The following ZBTB7C variants were observed in gnomAD, a reference collection of about 807,000 sequenced individuals.
The protein encoded by ZBTB7C is zinc finger and BTB domain containing 7C, also known as zinc finger and BTB domain-containing protein 7C.
Under a neutral mutation model 25.7 loss-of-function variants are expected in ZBTB7C, and 8 were observed. That is an observed-to-expected ratio of 0.31 (90% confidence interval 0.18 to 0.56). The LOEUF (loss-of-function observed/expected upper bound fraction) is 0.56, where lower values mean the gene tolerates loss of function less well. Ranked by LOEUF, ZBTB7C falls within the 20% of genes least tolerant of loss-of-function variation. The pLI is 0.91. For synonymous variants in ZBTB7C, 394 were observed against 369.0 expected (o/e 1.07, Z -0.78); for missense variants, 824 against 855.2 (o/e 0.96, Z 0.46).
intron 2 of ZBTB7C, among the ~76,000 whole-genome samples, chr18:48,285,382 C>A (rs2045012832): frequency 6.6e-6 from 1 of 152,214 alleles, no homozygotes; most frequent in African/African-American, 2.4e-5. Context: ...TATCACTAAG[C>A]AATGATCCTG....
intron 1 of ZBTB7C, among the ~76,000 whole-genome samples, chr18:48,397,714 A>G (rs2048062140): frequency 6.6e-6 from 1 of 151,876 alleles, no homozygotes. Context: ...AGATTCTAGG[A>G]CTCTCTTCTT....
chr18:48,403,300 A>G (rs2048203432), intron 1 of ZBTB7C, among the ~76,000 whole-genome samples: 2 of 152,212 alleles, frequency 1.3e-5, no homozygotes, highest in African/African-American at 4.8e-5. Context: ...AGAAGACTCC[A>G]TCTACCTAAG....
At position 48,380,304 on chromosome 18, in the gene ZBTB7C, C is replaced by T. The variant is rs557446095; in HGVS notation, c.-304+28922G>A. ...AGGATATAGGTTAACAATTCTGAAA[C>T]GGCTACATGCGTATATGGGAATTGA... On this transcript the variant is annotated intron_variant, in intron 1 of 4. Transcript: ENST00000590800. Among the ~76,000 whole-genome samples, 69 of 152,080 alleles carry T rather than the reference C, an allele frequency of 4.5e-4. 1 individual carries two copies. Among genetic ancestry groups the T allele is most frequent in the Admixed American group, 6.5e-4 (10 of 15,278 alleles).
Position 48,365,354 on chromosome 18 carries a change from C to T in ZBTB7C, c.-303-26956G>A, listed in dbSNP as rs78273598. Among the ~76,000 whole-genome samples, 366 of 152,238 alleles carry T rather than the reference C, an allele frequency of 2.4e-3. 1 individual carries two copies. Among genetic ancestry groups the T allele is most frequent in the African/African-American group, 8.1e-3 (338 of 41,508 alleles). ...GGAACATACCTTTGATAAATTCTGT[C>T]CTTTGAGTGTGAATGAGACCTGTGA... On this transcript the variant is annotated intron_variant, in intron 1 of 4. Transcript: ENST00000590800.
chr18:48,316,072 C>T (rs2144821796), intron 2 of ZBTB7C, among the ~76,000 whole-genome samples: 1 of 152,308 alleles, frequency 6.6e-6, no homozygotes, highest in Middle Eastern at 3.4e-3. Flanking sequence ...CCACCCAGAC[C>T]CTGCCTCACA....
rs552632738 is a variant in ZBTB7C, at chr18:48,244,718, C to T, written c.-78-58723G>A. Reference sequence around the variant, plus strand: ...CAACATCACTAATTATAGGGAAATGCAAATCAAAACTATGATGCAATACCA... The same window carrying T: ...CAACATCACTAATTATAGGGAAATGTAAATCAAAACTATGATGCAATACCA... On this transcript the variant is annotated intron_variant, in intron 2 of 4. Coordinates refer to ENST00000590800, the MANE Select transcript of ZBTB7C (RefSeq NM_001318841.2). 5.9e-4 allele frequency among the ~76,000 whole-genome samples: 89 copies of T among 152,084 alleles called. No homozygotes were observed. In the Middle Eastern group the frequency reaches 0.017, roughly 29 times the overall value.
intron 2 of ZBTB7C, among the ~76,000 whole-genome samples, chr18:48,268,965 T>C (rs2044394972): frequency 1.3e-5 from 2 of 148,980 alleles, no homozygotes; most frequent in African/African-American, 2.5e-5. Context: ...TTTCTTTTTT[T>C]TTTTTTTTTT....
chr18:48,409,859 G>GA (rs987106387), upstream of ZBTB7C, among the ~76,000 whole-genome samples: 32 of 152,176 alleles, frequency 2.1e-4, no homozygotes, highest in African/African-American at 7.2e-4. Flanking sequence ...AGGCGAGGGG[G>GA]CCAGGCGGCC....
At chr18:48,109,910 C>T (rs1179092431) in intron 3 of ZBTB7C, among the ~76,000 whole-genome samples, 2 of 152,200 alleles carry the variant, frequency 1.3e-5, no homozygotes, top group Non-Finnish European at 2.9e-5. Context: ...CTCCCAGGTG[C>T]AGAAAGCCTG....
intron 2 of ZBTB7C, among the ~76,000 whole-genome samples, chr18:48,272,371 T>TTATA (rs996895640): frequency 6.6e-6 from 1 of 152,192 alleles, no homozygotes; most frequent in African/African-American, 2.4e-5. Flanking sequence ...CCTCTGAGAC[T>TTATA]TATACCCTTG....
chr18:48,300,540 T>G (rs1568362458), intron 2 of ZBTB7C, among the ~76,000 whole-genome samples: 1 of 152,098 alleles, frequency 6.6e-6, no homozygotes, highest in Non-Finnish European at 1.5e-5. Flanking sequence ...CAGGTCGTTT[T>G]TTTACTCTTG....
intron 2 of ZBTB7C, among the ~76,000 whole-genome samples, chr18:48,257,777 TAAC>T (rs911515368): frequency 6.7e-6 from 1 of 149,054 alleles, no homozygotes; most frequent in Non-Finnish European, 1.5e-5. Context: ...GGCGCTGTAT[TAAC>T]AAGCTGAAAA....
Position 48,139,000 on chromosome 18 carries a change from T to C in ZBTB7C, c.-17+46934A>G, listed in dbSNP as rs148313529. 1.1e-3 allele frequency among the ~76,000 whole-genome samples: 160 copies of C among 152,162 alleles called. 1 individual carries two copies. The highest frequency in any genetic ancestry group is 3.6e-3 in the African/African-American group (151 of 41,434). On this transcript the variant is annotated intron_variant, in intron 3 of 4. Coordinates refer to ENST00000590800, the MANE Select transcript of ZBTB7C (RefSeq NM_001318841.2). ...TGGGGCAGATAAAGCACAGGCGGAC[T>C]GGAGAGTGGGGCAAGGTGCATCCAG...
rs561279301 is a variant in ZBTB7C, at chr18:48,288,752, T to C, written c.-79+49422A>G. On this transcript the variant is annotated intron_variant, in intron 2 of 4. Transcript: ENST00000590800. Reference sequence around the variant, plus strand: ...GGACAAAGTGAGAAGGAGCTGTCTCTGAACCAGAAAGCCCTCACCAGACAT... The same window carrying C: ...GGACAAAGTGAGAAGGAGCTGTCTCCGAACCAGAAAGCCCTCACCAGACAT... Among the ~76,000 whole-genome samples, 11 of 152,350 alleles carry C rather than the reference T, an allele frequency of 7.2e-5. No individual in the cohort carries two copies. The South Asian group carries it at 2.3e-3, about 32-fold the overall frequency.
At chr18:48,353,179 T>G (rs551002083) in intron 1 of ZBTB7C, among the ~76,000 whole-genome samples, 1 of 152,326 alleles carries the variant, frequency 6.6e-6, no homozygotes, top group South Asian at 2.1e-4. Flanking sequence ...TGGATATGTA[T>G]ACTCAATTTA....
rs539027849 is a variant in ZBTB7C, at chr18:48,310,586, G to T, written c.-79+27588C>A. ...TGTGTGTGTGTCCCCTGAGGATGGTGAGCAGCCTTATTTCAGAATGCCGAG... is the reference window on the plus strand; with the variant it reads ...TGTGTGTGTGTCCCCTGAGGATGGTTAGCAGCCTTATTTCAGAATGCCGAG... On this transcript the variant is annotated intron_variant, in intron 2 of 4. Transcript: ENST00000590800. Among the ~76,000 whole-genome samples the T allele has an allele frequency of 8.5e-5, 13 of 152,242 alleles. No individual in the cohort carries two copies. In the South Asian group the frequency reaches 2.5e-3, roughly 29 times the overall value.
intron 4 of ZBTB7C, among the ~76,000 whole-genome samples, chr18:48,034,710 C>G (rs2035899950): frequency 6.6e-6 from 1 of 152,222 alleles, no homozygotes; most frequent in Non-Finnish European, 1.5e-5. Context: ...ACAAATCCAA[C>G]ATGCTCCCCT....
In ZBTB7C at chr18:48,055,783, T is replaced by G. The variant is rs369217620; in HGVS notation, c.-16-14660A>C. On this transcript the variant is annotated intron_variant, in intron 3 of 4. Transcript: ENST00000590800. ...TCCCTCCACCCCAACTCGACCCCAC[T>G]GCAGCTACCACCGCTCGTCGTCTTG... is the stretch of plus-strand genomic sequence containing the variant. 2.0e-3 allele frequency among the ~76,000 whole-genome samples: 303 copies of G among 152,252 alleles called. 1 individual carries two copies. Among genetic ancestry groups the G allele is most frequent in the African/African-American group, 6.0e-3 (249 of 41,544 alleles).
intron 2 of ZBTB7C, among the ~76,000 whole-genome samples, chr18:48,317,213 C>A (rs185323207): frequency 7.0e-6 from 1 of 142,900 alleles, no homozygotes; most frequent in Non-Finnish European, 1.5e-5. Flanking sequence ...GCTGAGATTG[C>A]GCCACTGCAA....
Sources: allele counts gnomAD v4.1 joint callset (sites outside exome capture counted in the v4.1 genomes callset), GRCh38; gene constraint gnomAD v4.1.1; transcripts MANE v1.5; gene names NCBI Gene and HGNC (gene_info 2026-07-23, HGNC 2026-07-21).